The following DLG2 variants were observed in gnomAD, a reference collection of about 807,000 sequenced individuals.
DLG2 encodes the protein disks large homolog 2.
DLG2 carries 45 observed loss-of-function variants against 132.5 expected under a neutral mutation model. That is an observed-to-expected ratio of 0.34 (90% CI 0.27 to 0.44). DLG2 has a LOEUF of 0.44. Ranked by LOEUF, DLG2 falls within the 20% of genes least tolerant of loss-of-function variation. The pLI is 1.00. For missense variants in DLG2, 1,045 were observed against 1,196.9 expected, an observed-to-expected ratio of 0.87 and a Z score of 1.87; for synonymous variants, 424 against 419.6, an observed-to-expected ratio of 1.01 and a Z score of -0.13.
intron 7 of DLG2, among the ~76,000 whole-genome samples, chr11:84,306,801 T>C (rs534375483): frequency 2.0e-5 from 3 of 152,186 alleles, no homozygotes; most frequent in Non-Finnish European, 1.5e-5. Context: ...TCTGAAGTGC[T>C]TTCTCACCAG....
intron 5 of DLG2, among the ~76,000 whole-genome samples, chr11:85,152,470 C>G (rs145368801): frequency 6.6e-6 from 1 of 152,210 alleles, no homozygotes; most frequent in African/African-American, 2.4e-5. Flanking sequence ...AACTCGTGGC[C>G]TCAAGTGATC....
At position 84,644,728 on chromosome 11, in the gene DLG2, T is replaced by A. The variant is rs118179980; in HGVS notation, c.358-109997A>T. On this transcript the variant is annotated intron_variant, in intron 6 of 27. Coordinates refer to ENST00000376104, the MANE Select transcript of DLG2 (RefSeq NM_001142699.3). ...TTCAAAAAAAAAAAAAAAAGATGTC[T>A]TATGGGAATGAAGTAATTTTTTAAG... Among the ~76,000 whole-genome samples the A allele has an allele frequency of 1.7e-3, 260 of 150,644 alleles. 10 individuals are homozygous for A. The East Asian group carries it at 0.046, about 26-fold the overall frequency.
intron 4 of DLG2, among the ~76,000 whole-genome samples, chr11:85,267,835 A>C (rs909434553): frequency 2.0e-5 from 3 of 152,090 alleles, no homozygotes; most frequent in Non-Finnish European, 4.4e-5. Flanking sequence ...TAATTGTTTC[A>C]GACAGTTTAC....
intron 21 of DLG2, among the ~76,000 whole-genome samples, chr11:83,529,661 C>T (rs576404732): frequency 9.9e-5 from 15 of 151,786 alleles, no homozygotes; most frequent in Non-Finnish European, 2.2e-4. Flanking sequence ...CATTAGTCTA[C>T]ACAGGAGATG....
At chr11:85,248,295 T>C (rs1483888795) in intron 4 of DLG2, among the ~76,000 whole-genome samples, 1 of 152,138 alleles carries the variant, frequency 6.6e-6, no homozygotes, top group Non-Finnish European at 1.5e-5. Flanking sequence ...TCAGCATATT[T>C]ATACCTTTTT....
chr11:85,448,448 T>A (rs1488768013), intron 3 of DLG2, among the ~76,000 whole-genome samples: 2 of 152,094 alleles, frequency 1.3e-5, no homozygotes, highest in Non-Finnish European at 2.9e-5. Flanking sequence ...GCTGGAATAA[T>A]AGGCCCAGAT....
At chr11:84,959,590 C>A (rs2052228956) in intron 6 of DLG2, among the ~76,000 whole-genome samples, 1 of 152,104 alleles carries the variant, frequency 6.6e-6, no homozygotes, top group South Asian at 2.1e-4. Flanking sequence ...GTGCCTACTA[C>A]CATGTTAGTT....
At chr11:84,920,961 G>C (rs961439347) in intron 6 of DLG2, among the ~76,000 whole-genome samples, 2 of 152,034 alleles carry the variant, frequency 1.3e-5, no homozygotes, top group African/African-American at 4.8e-5. Flanking sequence ...TTGGATAACT[G>C]TAACAAGAAT....
chr11:84,877,062 AT>A (rs1414128196), intron 6 of DLG2, among the ~76,000 whole-genome samples: 1 of 152,022 alleles, frequency 6.6e-6, no homozygotes, highest in East Asian at 1.9e-4. Flanking sequence ...GTTTTTTATG[AT>A]TTCCATTCTT....
chr11:84,302,998 G>A (rs1447516650), intron 7 of DLG2, among the ~76,000 whole-genome samples: 1 of 152,096 alleles, frequency 6.6e-6, no homozygotes, highest in Admixed American at 6.5e-5. Context: ...GCGTGTGCCT[G>A]TAGTTCCAGG....
intron 6 of DLG2, among the ~76,000 whole-genome samples, chr11:84,912,199 G>C (rs1475762661): frequency 6.6e-6 from 1 of 152,102 alleles, no homozygotes; most frequent in Admixed American, 6.6e-5. Flanking sequence ...GCCCAGGCTG[G>C]AGCACAGCGG....
intron 6 of DLG2, among the ~76,000 whole-genome samples, chr11:85,067,767 T>C (rs767631859): frequency 6.6e-6 from 1 of 151,894 alleles, no homozygotes; most frequent in South Asian, 2.1e-4. Flanking sequence ...TTCCAATCAA[T>C]AGAAAAAGAG....
intron 3 of DLG2, among the ~76,000 whole-genome samples, chr11:85,310,365 A>G (rs2080238575): frequency 6.6e-6 from 1 of 152,222 alleles, no homozygotes. Context: ...GCCACACTTC[A>G]TAGAAATAGG....
At chr11:85,078,818 C>T (rs2066880099) in intron 6 of DLG2, among the ~76,000 whole-genome samples, 1 of 152,020 alleles carries the variant, frequency 6.6e-6, no homozygotes. Flanking sequence ...TTAACCTAGC[C>T]AAGAGTGATT....
At chr11:85,511,218 G>T (rs1046520318) in intron 3 of DLG2, among the ~76,000 whole-genome samples, 3 of 151,998 alleles carry the variant, frequency 2.0e-5, no homozygotes, top group Admixed American at 1.3e-4. Flanking sequence ...ACCGGGGCCT[G>T]TTGTGGGGTG....
rs189936009 is a variant in DLG2 at position 84,091,083 on chromosome 11, A to G, written c.749+7840T>C. 2.6e-3 allele frequency among the ~76,000 whole-genome samples: 394 copies of G among 152,308 alleles called. 1 individual carries two copies. Among genetic ancestry groups the G allele is most frequent in the Admixed American group, 4.4e-3 (68 of 15,286 alleles). Reference sequence around the variant, plus strand: ...GTGATTAGCTTTGTGTAGTGCAAAAATGAAAGTGCTGTGTTTTGCTTAGTC... The same window carrying G: ...GTGATTAGCTTTGTGTAGTGCAAAAGTGAAAGTGCTGTGTTTTGCTTAGTC... On this transcript the variant is annotated intron_variant, in intron 10 of 27. Coordinates refer to ENST00000376104, the MANE Select transcript of DLG2 (RefSeq NM_001142699.3).
At chr11:83,493,737 G>C (rs1023944550) in intron 21 of DLG2, among the ~76,000 whole-genome samples, 1 of 151,930 alleles carries the variant, frequency 6.6e-6, no homozygotes, top group Non-Finnish European at 1.5e-5. Flanking sequence ...CCCTAACCTA[G>C]TACCTGGCAG....
intron 8 of DLG2, among the ~76,000 whole-genome samples, chr11:84,242,566 C>T (rs545164841): frequency 3.3e-5 from 5 of 151,812 alleles, no homozygotes; most frequent in African/African-American, 1.2e-4. Flanking sequence ...CCACTGTGCC[C>T]GGCTAATTTT....
intron 6 of DLG2, among the ~76,000 whole-genome samples, chr11:84,988,916 A>T (rs2056796896): frequency 1.3e-5 from 2 of 152,038 alleles, no homozygotes; most frequent in Admixed American, 6.6e-5. Context: ...AAAGAAAGAA[A>T]ATTCTCCTTA....
Sources: gnomAD v4.1 joint callset for allele counts (sites outside exome capture counted in the v4.1 genomes callset) on GRCh38, gnomAD v4.1.1 for gene constraint, MANE v1.5 for transcripts, NCBI Gene and HGNC (gene_info 2026-07-23, HGNC 2026-07-21) for gene names.